The following CLIC5 variants were observed in gnomAD, a reference collection of about 807,000 sequenced individuals.
The protein encoded by CLIC5 is CLIC family member 5, also known as chloride intracellular channel protein 5.
CLIC5 carries 20 observed loss-of-function variants against 24.7 expected under a neutral mutation model. The ratio of observed to expected loss-of-function variants is 0.81; its 90% CI spans 0.57 to 1.18. The LOEUF (loss-of-function observed/expected upper bound fraction) is 1.18, where lower values mean the gene tolerates loss of function less well. Among genes scored for constraint, CLIC5 ranks in the 50% most tolerant of loss-of-function variants. The probability of loss-of-function intolerance (pLI) is 0.00; values close to 1 mark genes in which losing one functional copy is unlikely to be tolerated. For synonymous variants in CLIC5, 159 were observed against 135.6 expected (o/e 1.17, Z -1.20); for missense variants, 341 against 326.1 (o/e 1.05, Z -0.35).
At chr6:46,127,245 C>T in the CLIC5 span, among the ~76,000 whole-genome samples, 10 of 152,160 alleles carry the variant, frequency 6.6e-5, no homozygotes, top group South Asian at 2.1e-3. Context: ...ATTTCAAGTC[C>T]TGTCTTCTAG....
intron 1 of CLIC5, among the ~76,000 whole-genome samples, chr6:46,022,388 A>C (rs77983913): frequency 0.011 from 1,722 of 152,284 alleles, 15 homozygotes; most frequent in Non-Finnish European, 0.018. Flanking sequence ...AACAACTTAC[A>C]TTCTCTGCAG....
chr6:46,020,919 G>C (rs1384402278), intron 1 of CLIC5, among the ~76,000 whole-genome samples: 1 of 151,722 alleles, frequency 6.6e-6, no homozygotes, highest in Non-Finnish European at 1.5e-5. Context: ...TAAATTCATA[G>C]TTGAAAGCCC....
intron 1 of CLIC5, among the ~76,000 whole-genome samples, chr6:46,021,392 A>C (rs1221548875): frequency 1.3e-5 from 2 of 152,204 alleles, no homozygotes; most frequent in Non-Finnish European, 2.9e-5. Context: ...AGTCAAATGT[A>C]CACTTACTAT....
In CLIC5 at chr6:45,986,353, G is replaced by A. The variant is rs564779837; in HGVS notation, c.63+29127C>T. Among the ~76,000 whole-genome samples, 528 of 152,282 alleles carry A rather than the reference G, an allele frequency of 3.5e-3. 4 individuals carry two copies. Among genetic ancestry groups the A allele is most frequent in the Non-Finnish European group, 5.4e-3 (370 of 68,016 alleles). ...CCAGATGGTGAGGAGCACTAGGTTA[G>A]GAGTCAGGAAACCCAGCTTCTACTC... On this transcript the variant is annotated intron_variant, in intron 1 of 5. Coordinates refer to ENST00000339561, the MANE Select transcript of CLIC5 (RefSeq NM_016929.5).
chr6:46,111,684 T>C, the CLIC5 span, among the ~76,000 whole-genome samples: 2 of 152,220 alleles, frequency 1.3e-5, no homozygotes, highest in African/African-American at 2.4e-5. Context: ...ATCAACTATA[T>C]ACAAAACATT....
chr6:45,888,362 G>A (rs2127282310), intron 6 of CLIC5, among the ~76,000 whole-genome samples: 1 of 152,276 alleles, frequency 6.6e-6, no homozygotes, highest in South Asian at 2.1e-4. Flanking sequence ...AAAGAATCTG[G>A]TAACTATTAT....
chr6:46,018,189 A>C (rs1767075195), upstream of CLIC5, among the ~76,000 whole-genome samples: 1 of 152,220 alleles, frequency 6.6e-6, no homozygotes, highest in African/African-American at 2.4e-5. Flanking sequence ...GGCAGTAGCA[A>C]ATAAAATTAT....
At chr6:45,948,440 C>A (rs16874019) in intron 3 of CLIC5, among the ~76,000 whole-genome samples, 1 of 152,160 alleles carries the variant, frequency 6.6e-6, no homozygotes, top group East Asian at 1.9e-4. Context: ...GGTCTTAAAA[C>A]GGACTCCCCA....
At chr6:45,953,417 GC>G (rs1252064851) in intron 2 of CLIC5, among the ~76,000 whole-genome samples, 2 of 152,236 alleles carry the variant, frequency 1.3e-5, no homozygotes, top group East Asian at 1.9e-4. Flanking sequence ...GTATGAGTAG[GC>G]CTTACAGAGG....
intron 1 of CLIC5, among the ~76,000 whole-genome samples, chr6:46,068,009 A>C (rs1180711873): frequency 1.3e-5 from 2 of 152,184 alleles, no homozygotes; most frequent in African/African-American, 4.8e-5. Flanking sequence ...AATCATCCTG[A>C]GTTAAGGTGG....
chr6:46,090,024 C>A, the CLIC5 span, among the ~76,000 whole-genome samples: 2 of 152,052 alleles, frequency 1.3e-5, no homozygotes, highest in Non-Finnish European at 2.9e-5. Flanking sequence ...GGTGCATGTC[C>A]CCCAACAGCT....
Position 45,914,344 on chromosome 6 carries a change from CT to C in CLIC5, c.471del (p.Glu158ArgfsTer24). The C allele has an allele frequency of 1.2e-6, 2 of 1,609,836 alleles. No homozygotes were observed. The highest frequency in any genetic ancestry group is 1.7e-6 in the Non-Finnish European group (2 of 1,176,940). The part of the protein sequence containing the change: ...KLDDYLNTPL[P>X]EEIDANTCGE... ...CCACAAGTGTTGGCGTCAATCTCCT[CT>C]GGTAGAGGGGTGTTCAGGTAGTCAT... On this transcript the variant is annotated frameshift_variant, in exon 5 of 6. Transcript: ENST00000339561. LOFTEE classifies it high-confidence loss of function.
At chr6:45,950,390 C>A (rs1296792437) in intron 2 of CLIC5, among the ~76,000 whole-genome samples, 1 of 149,660 alleles carries the variant, frequency 6.7e-6, no homozygotes, top group Non-Finnish European at 1.5e-5. Flanking sequence ...GCAAGACCCC[C>A]ATCTTTACAA....
chr6:45,981,503 A>G (rs536009006), intron 1 of CLIC5, among the ~76,000 whole-genome samples: 82 of 152,326 alleles, frequency 5.4e-4, no homozygotes, highest in African/African-American at 1.9e-3. Flanking sequence ...TCTGATTTAT[A>G]TATTTATCAA....
upstream of CLIC5, among the ~76,000 whole-genome samples, chr6:46,019,194 C>T (rs1767103176): frequency 6.6e-6 from 1 of 151,662 alleles, no homozygotes; most frequent in African/African-American, 2.4e-5. Context: ...AATGGTACAC[C>T]TAAATATAAC....
At chr6:45,920,616 C>CA (rs1322918606) in intron 4 of CLIC5, 3 of 896,032 alleles carry the variant, frequency 3.3e-6, no homozygotes, top group Non-Finnish European at 4.0e-6. Flanking sequence ...GTGATGGAAA[C>CA]AAAAAATAAT....
At chr6:46,125,907 G>A in the CLIC5 span, among the ~76,000 whole-genome samples, 74 of 152,284 alleles carry the variant, frequency 4.9e-4, no homozygotes, top group Middle Eastern at 3.4e-3. Flanking sequence ...TTCAACAAAA[G>A]TTTCAGAATT....
intron 1 of CLIC5, among the ~76,000 whole-genome samples, chr6:46,024,388 G>A (rs1047062704): frequency 6.6e-6 from 1 of 152,150 alleles, no homozygotes; most frequent in African/African-American, 2.4e-5. Context: ...GATCCAATGA[G>A]ATTCAATTCT....
intron 1 of CLIC5, among the ~76,000 whole-genome samples, chr6:46,049,515 C>T (rs905432393): frequency 3.9e-5 from 6 of 152,072 alleles, no homozygotes; most frequent in African/African-American, 9.7e-5. Context: ...GGAATTTAAA[C>T]GCCCTCAGTA....
Sources: allele counts gnomAD v4.1 joint callset (sites outside exome capture counted in the v4.1 genomes callset), GRCh38; gene constraint gnomAD v4.1.1; transcripts MANE v1.5; gene names NCBI Gene and HGNC (gene_info 2026-07-23, HGNC 2026-07-21).